The following FYB1 variants were observed in gnomAD, a reference collection of about 807,000 sequenced individuals.
FYB1 encodes FYN-binding protein 1.
FYB1 carries 41 observed loss-of-function variants against 94.1 expected under a neutral mutation model. The observed-to-expected ratio is 0.44, with a 90% CI of 0.34 to 0.57. The LOEUF is 0.57. FYB1 is among the 20% of genes least tolerant of loss of function. The probability of loss-of-function intolerance (pLI) is 0.02; values close to 1 mark genes in which losing one functional copy is unlikely to be tolerated. For synonymous variants in FYB1, 367 were observed against 353.2 expected (o/e 1.04, Z -0.44); for missense variants, 1,050 against 976.8 (o/e 1.07, Z -1.00).
At chr5:39,120,522 T>G (rs1326192863) in intron 14 of FYB1, among the ~76,000 whole-genome samples, 2 of 152,118 alleles carry the variant, frequency 1.3e-5, no homozygotes, top group Non-Finnish European at 2.9e-5. Flanking sequence ...CATTCTAATT[T>G]AAATTAATTT....
At chr5:39,241,486 A>G (rs1262310709) in intron 1 of FYB1, among the ~76,000 whole-genome samples, 1 of 152,196 alleles carries the variant, frequency 6.6e-6, no homozygotes, top group Non-Finnish European at 1.5e-5. Flanking sequence ...GTGTATGTGC[A>G]TCTCCACTTT....
At chr5:39,248,389 G>A (rs1171625642) in intron 1 of FYB1, among the ~76,000 whole-genome samples, 1 of 152,066 alleles carries the variant, frequency 6.6e-6, no homozygotes, top group African/African-American at 2.4e-5. Flanking sequence ...GGTGGGGAGA[G>A]GCAGGGCTTG....
At chr5:39,165,501 T>C (rs954967241) in intron 2 of FYB1, among the ~76,000 whole-genome samples, 1 of 152,054 alleles carries the variant, frequency 6.6e-6, no homozygotes, top group Non-Finnish European at 1.5e-5. Context: ...CAAGATGGAG[T>C]AAAGATTTAA....
At chr5:39,186,280 T>G (rs1240602761) in intron 2 of FYB1, among the ~76,000 whole-genome samples, 1 of 152,038 alleles carries the variant, frequency 6.6e-6, no homozygotes, top group African/African-American at 2.4e-5. Context: ...AAAAATTAGC[T>G]GGGCGTGGTG....
In FYB1 at chr5:39,108,281, A is replaced by AT. The variant is rs1738714521; in HGVS notation, c.2436-20dup. The AT allele has an allele frequency of 6.6e-7, 1 of 1,513,692 alleles. No homozygotes were observed. The highest frequency in any genetic ancestry group is 8.9e-7 in the Non-Finnish European group (1 of 1,119,966). 93.8% of individuals were successfully genotyped at this position (1,513,692 alleles called of 1,614,324 possible). A position where few individuals can be genotyped will look rare whatever the true frequency, so the allele number is the denominator to read the frequency against. The stretch of plus-strand genomic sequence containing the variant: ...TCCATCACTGTAAATGTAAAAAAAA[A>AT]TTTTTATTTTAAAGAAACTATGTTC... On this transcript the variant is annotated intron_variant, in intron 17 of 18. Coordinates refer to ENST00000512982, the MANE Select transcript of FYB1 (RefSeq NM_001465.6).
intron 2 of FYB1, chr5:39,170,399 C>A (rs558329008): frequency 4.9e-6 from 3 of 616,198 alleles, no homozygotes; most frequent in African/African-American, 3.9e-5. Context: ...GTGGTCTTGT[C>A]GCCGTCCTGG....
rs192406983 is a variant in FYB1 at position 39,171,696 on chromosome 5, G to A, written c.1136-18092C>T. Among the ~76,000 whole-genome samples, 663 of 152,162 alleles carry A rather than the reference G, an allele frequency of 4.4e-3. 4 individuals are homozygous for A. The highest frequency in any genetic ancestry group is 5.7e-3 in the Non-Finnish European group (386 of 68,002). On this transcript the variant is annotated intron_variant, in intron 2 of 18. Coordinates refer to ENST00000512982, the MANE Select transcript of FYB1 (RefSeq NM_001465.6). ...TCGTCACCTCCCATTCTTTTGTTTT[G>A]AAACACAACTTATTTGTTTGCAATT...
At chr5:39,244,675 G>C (rs1012107906) in intron 1 of FYB1, among the ~76,000 whole-genome samples, 5 of 152,102 alleles carry the variant, frequency 3.3e-5, no homozygotes, top group Middle Eastern at 3.2e-3. Context: ...AGGGAGGATT[G>C]CCTCTTTTTC....
chr5:39,143,764 A>G (rs1248044799), intron 3 of FYB1, among the ~76,000 whole-genome samples: 2 of 152,224 alleles, frequency 1.3e-5, no homozygotes, highest in African/African-American at 4.8e-5. Flanking sequence ...AAGAACTGTC[A>G]TGGATATCTG....
chr5:39,211,383 C>A (rs1749371387), intron 1 of FYB1, among the ~76,000 whole-genome samples: 1 of 149,980 alleles, frequency 6.7e-6, no homozygotes, highest in African/African-American at 2.5e-5. Context: ...TGCAGTGGCG[C>A]GATCTCGGCC....
chr5:39,272,635 G>A (rs1752698519), intron 1 of FYB1, among the ~76,000 whole-genome samples: 1 of 134,386 alleles, frequency 7.4e-6, no homozygotes, highest in Non-Finnish European at 1.5e-5. Context: ...TTGCGCCACT[G>A]CACTCCAGTT....
At chr5:39,212,034 G>T (rs186832880) in intron 1 of FYB1, among the ~76,000 whole-genome samples, 132 of 152,300 alleles carry the variant, frequency 8.7e-4, no homozygotes, top group African/African-American at 3.0e-3. Flanking sequence ...GGGCACAATG[G>T]GTGGCTCAGG....
intron 1 of FYB1, among the ~76,000 whole-genome samples, chr5:39,211,355 C>T (rs1341866562): frequency 6.9e-6 from 1 of 144,818 alleles, no homozygotes; most frequent in Non-Finnish European, 1.5e-5. Flanking sequence ...GAGTCTCGCT[C>T]TGTCGCCCAG....
upstream of FYB1, among the ~76,000 whole-genome samples, chr5:39,222,700 G>A (rs537825368): frequency 3.3e-5 from 5 of 152,244 alleles, no homozygotes; most frequent in East Asian, 3.9e-4. Context: ...GTATGTTTCC[G>A]AAATAAGCGG....
intron 1 of FYB1, among the ~76,000 whole-genome samples, chr5:39,261,337 GACACACACACAC>G (rs57277521): frequency 0.051 from 6,769 of 133,858 alleles, 208 homozygotes; most frequent in African/African-American, 0.084. Context: ...TGTAGATTAA[GACACACACACAC>G]ACACACACAC....
At chr5:39,259,992 GA>G (rs1222164403) in intron 1 of FYB1, among the ~76,000 whole-genome samples, 2 of 152,036 alleles carry the variant, frequency 1.3e-5, no homozygotes, top group Non-Finnish European at 2.9e-5. Context: ...CAACACATAC[GA>G]AAAAAAGTTG....
At chr5:39,179,097 A>G (rs2150417430) in intron 2 of FYB1, among the ~76,000 whole-genome samples, 1 of 152,316 alleles carries the variant, frequency 6.6e-6, no homozygotes, top group East Asian at 1.9e-4. Context: ...CCTGTGTGCT[A>G]GGCACTGCTT....
intron 2 of FYB1, 63 bp from the exon 3 acceptor site, chr5:39,153,667 T>A (rs1263250031): frequency 6.7e-7 from 1 of 1,489,224 alleles, no homozygotes. Flanking sequence ...GATTGTTAAT[T>A]GCAAACATAG....
At chr5:39,141,705 C>T (rs985226082) in intron 3 of FYB1, among the ~76,000 whole-genome samples, 1 of 152,002 alleles carries the variant, frequency 6.6e-6, no homozygotes, top group African/African-American at 2.4e-5. Context: ...TACTTTTGCA[C>T]CGACCTAATA....
Sources: gnomAD v4.1 joint callset for allele counts (sites outside exome capture counted in the v4.1 genomes callset) on GRCh38, gnomAD v4.1.1 for gene constraint, MANE v1.5 for transcripts, NCBI Gene and HGNC (gene_info 2026-07-23, HGNC 2026-07-21) for gene names.